GPR107: variants seen among roughly 807,000 people sequenced by gnomAD.
The protein encoded by GPR107 is G protein-coupled receptor 107.
In GPR107, 31 loss-of-function variants were observed where a neutral mutation model predicts 75.5. That is an observed-to-expected ratio of 0.41 (90% CI 0.31 to 0.55). The LOEUF is 0.55. Among genes scored for constraint, GPR107 ranks in the 20% least tolerant of loss-of-function variants. GPR107 has a pLI of 0.26. For synonymous variants in GPR107, 267 were observed against 251.3 expected (o/e 1.06, Z -0.59); for missense variants, 572 against 665.7 (o/e 0.86, Z 1.55).
In GPR107 at chr9:130,127,537, G is replaced by T. The variant is rs771237650; in HGVS notation, c.1411G>T (p.Val471Phe). The T allele has an allele frequency of 5.6e-6, 9 of 1,602,206 alleles. No homozygotes were observed. The South Asian group carries it at 8.8e-5, about 16-fold the overall frequency. ...CATTGCATTTCTCCTCAAACTCGCT[G>T]TTCCATTCCAGTGGAAGTGGCTCTA... ...RIIAFLLKLA[V>F]PFQWKWLYQL... Residue 471 changes from valine (V) to phenylalanine (F), a missense_variant, in exon 16 of 18, where the codon GTT (valine) becomes TTT (phenylalanine). Val to Phe is a conservative substitution (Grantham distance 50). Transcript: ENST00000347136.
At chr9:130,122,525 G>A (rs1319861477) in intron 14 of GPR107, among the ~76,000 whole-genome samples, 1 of 152,186 alleles carries the variant, frequency 6.6e-6, no homozygotes, top group African/African-American at 2.4e-5. Flanking sequence ...TCCCTCAGGG[G>A]AGGAGGAACA....
At chr9:130,070,799 C>T (rs1830185332) in intron 1 of GPR107, among the ~76,000 whole-genome samples, 1 of 151,752 alleles carries the variant, frequency 6.6e-6, no homozygotes, top group South Asian at 2.1e-4. Context: ...CTCACAGTAG[C>T]CTCAAACATC....
chr9:130,133,111 G>C lies in GPR107; in HGVS notation c.1563-1914G>C, dbSNP rs568783622. 4.6e-5 allele frequency: 7 copies of C among 152,300 alleles called. No homozygotes were observed. The South Asian group carries it at 1.0e-3, about 23-fold the overall frequency. 9.4% of individuals were successfully genotyped at this position (152,300 alleles called of 1,614,324 possible). A position where few individuals can be genotyped will look rare whatever the true frequency, so the allele number is the denominator to read the frequency against. On this transcript the variant is annotated intron_variant, in intron 17 of 17. Transcript: ENST00000347136. ...TGTCTCTGTTGGAAGTGGCTTTGCAGGGTTGCTGTGGAAGACCATCTCTTC... is the reference window on the plus strand; with the variant it reads ...TGTCTCTGTTGGAAGTGGCTTTGCACGGTTGCTGTGGAAGACCATCTCTTC...
rs538485447 is a variant in GPR107, at chr9:130,101,056, TGA to T, written c.1014-46_1014-45del. ...ATGAGCTATGCAATCTAACTGGCAG[TGA>T]GAGTCTAAAGAGACCTGCTGGTGTC... On this transcript the variant is annotated intron_variant, in intron 11 of 17. Coordinates refer to ENST00000347136, the MANE Select transcript of GPR107 (RefSeq NM_020960.5). 2,160 of 1,017,478 alleles carry T rather than the reference TGA, an allele frequency of 2.1e-3. 6 individuals are homozygous for T. The highest frequency in any genetic ancestry group is 2.6e-3 in the Non-Finnish European group (1,639 of 638,512). 63.0% of individuals were successfully genotyped at this position (1,017,478 alleles called of 1,614,324 possible).
At position 130,100,756 on chromosome 9, in the gene GPR107, G is replaced by T. The variant is rs2277196; in HGVS notation, c.1013+54G>T. 9 of 1,334,770 alleles carry T rather than the reference G, an allele frequency of 6.7e-6. No homozygotes were observed. In the East Asian group the frequency reaches 9.2e-5, roughly 14 times the overall value. The allele number at this position is 1,334,770 out of a possible 1,614,324, so 82.7% of individuals were successfully genotyped here. A position where few individuals can be genotyped will look rare whatever the true frequency, so the allele number is the denominator to read the frequency against. ...CCATGAAATGACATACAAGACAAGG[G>T]GGGTGGGCAACAACCTGCCCCAAGT... On this transcript the variant is annotated intron_variant, in intron 11 of 17. Coordinates refer to ENST00000347136, the MANE Select transcript of GPR107 (RefSeq NM_020960.5).
At chr9:130,075,116 A>T (rs564208914) in intron 1 of GPR107, among the ~76,000 whole-genome samples, 39 of 152,006 alleles carry the variant, frequency 2.6e-4, no homozygotes, top group Non-Finnish European at 4.7e-4. Flanking sequence ...TGGATTTCCG[A>T]TGAGTTGTCT....
chr9:130,066,664 C>T lies in GPR107; in HGVS notation c.142-8972C>T. Among the ~76,000 whole-genome samples, 2 of 152,102 alleles carry T rather than the reference C, an allele frequency of 1.3e-5. 1 individual carries two copies. The highest frequency in any genetic ancestry group is 2.9e-5 in the Non-Finnish European group (2 of 68,016). On this transcript the variant is annotated intron_variant, in intron 1 of 17. Coordinates refer to ENST00000347136, the MANE Select transcript of GPR107 (RefSeq NM_020960.5). Reference sequence around the variant, plus strand: ...CAGCAGTGTGTGGTCAAGCCCAGCACACTGGGCTTTGTCTTGGGAGTGTAG... The same window carrying T: ...CAGCAGTGTGTGGTCAAGCCCAGCATACTGGGCTTTGTCTTGGGAGTGTAG...
intron 13 of GPR107, among the ~76,000 whole-genome samples, chr9:130,106,620 T>TA (rs35922387): frequency 1.3e-4 from 17 of 135,158 alleles, no homozygotes; most frequent in African/African-American, 2.7e-4. Context: ...AATAAATAAA[T>TA]AATAATAATA....
At chr9:130,058,789 T>C (rs1829857416) in intron 1 of GPR107, among the ~76,000 whole-genome samples, 1 of 152,132 alleles carries the variant, frequency 6.6e-6, no homozygotes, top group South Asian at 2.1e-4. Context: ...TGTGCCCATC[T>C]TTCTTTCTTT....
chr9:130,081,287 C>T (rs1229053590), intron 5 of GPR107, among the ~76,000 whole-genome samples: 4 of 152,170 alleles, frequency 2.6e-5, no homozygotes, highest in Non-Finnish European at 5.9e-5. Flanking sequence ...CCTGTAATCC[C>T]AGCACTTTGA....
chr9:130,135,244 A>G lies in GPR107; in HGVS notation c.*123A>G, dbSNP rs1181397874. 23 of 577,228 alleles carry G rather than the reference A, an allele frequency of 4.0e-5. No homozygotes were observed. The highest frequency in any genetic ancestry group is 8.9e-4 in the Middle Eastern group (2 of 2,238). 35.8% of individuals were successfully genotyped at this position (577,228 alleles called of 1,614,324 possible). A position where few individuals can be genotyped will look rare whatever the true frequency, so the allele number is the denominator to read the frequency against. On this transcript the variant is annotated 3_prime_UTR_variant, in exon 18 of 18. Coordinates refer to ENST00000347136, the MANE Select transcript of GPR107 (RefSeq NM_020960.5). The stretch of plus-strand genomic sequence containing the variant: ...ACCACCGACAGTGACACCAGGGCAC[A>G]TGGCTGGAGCACAGTGCCGCGGAAA...
Position 130,086,400 on chromosome 9 carries a change from A to G in GPR107, c.565-20A>G, listed in dbSNP as rs113528876. The G allele has an allele frequency of 6.4e-4, 787 of 1,231,166 alleles. 9 individuals carry two copies. In the African/African-American group the frequency reaches 9.9e-3, roughly 15 times the overall value. 76.3% of individuals were successfully genotyped at this position (1,231,166 alleles called of 1,614,324 possible). ...TTCTATGCCGGTGTCATCCTAAAACATACTATTATGTCTTTTTAGGCCATG... is the reference window on the plus strand; with the variant it reads ...TTCTATGCCGGTGTCATCCTAAAACGTACTATTATGTCTTTTTAGGCCATG... On this transcript the variant is annotated intron_variant, in intron 6 of 17. Coordinates refer to ENST00000347136, the MANE Select transcript of GPR107 (RefSeq NM_020960.5).
intron 14 of GPR107, among the ~76,000 whole-genome samples, chr9:130,119,823 TTTTGTTTGTTTGTTTG>T (rs145764411): frequency 2.0e-5 from 3 of 150,418 alleles, no homozygotes; most frequent in African/African-American, 4.9e-5. Flanking sequence ...AGTCTGTTTT[TTTTGTTTGTTTGTTTG>T]TTTGTTTGTT....
chr9:130,072,723 G>GT (rs1328172347), intron 1 of GPR107, among the ~76,000 whole-genome samples: 3 of 152,074 alleles, frequency 2.0e-5, no homozygotes, highest in African/African-American at 7.2e-5. Flanking sequence ...TTTATGTTGG[G>GT]GGGGGAACTG....
chr9:130,098,870 T>C (rs1013024340), intron 9 of GPR107, among the ~76,000 whole-genome samples: 6 of 137,232 alleles, frequency 4.4e-5, no homozygotes, highest in Non-Finnish European at 8.4e-5. Flanking sequence ...TAGCCAGACA[T>C]CTTGGCGCAC....
chr9:130,081,155 A>G (rs2132570806), intron 5 of GPR107, among the ~76,000 whole-genome samples: 1 of 152,256 alleles, frequency 6.6e-6, no homozygotes, highest in Non-Finnish European at 1.5e-5. Flanking sequence ...TCTAGGCCAC[A>G]TTGAGCCGTG....
chr9:130,079,576 A>G, intron 4 of GPR107, 54 bp from the exon 5 acceptor site: 2 of 1,528,304 alleles, frequency 1.3e-6, no homozygotes, highest in Non-Finnish European at 1.8e-6. Context: ...CAGCGTGCTC[A>G]GTGGCCAGGA....
At chr9:130,120,634 C>T (rs548301080) in intron 14 of GPR107, among the ~76,000 whole-genome samples, 1 of 152,352 alleles carries the variant, frequency 6.6e-6, no homozygotes, top group East Asian at 1.9e-4. Flanking sequence ...CCCATCCACT[C>T]CTCGATCGCT....
chr9:130,085,015 A>C (rs1830582865), intron 6 of GPR107, among the ~76,000 whole-genome samples: 2 of 152,168 alleles, frequency 1.3e-5, no homozygotes, highest in South Asian at 4.1e-4. Flanking sequence ...TTTGAAGTAA[A>C]AGACACATAT....
Sources: gnomAD v4.1 joint callset for allele counts (sites outside exome capture counted in the v4.1 genomes callset) on GRCh38, gnomAD v4.1.1 for gene constraint, MANE v1.5 for transcripts, NCBI Gene and HGNC (gene_info 2026-07-23, HGNC 2026-07-21) for gene names.